The following FNDC3A variants were observed in gnomAD, a reference collection of about 807,000 sequenced individuals.
The protein encoded by FNDC3A is fibronectin type-III domain-containing protein 3A.
A neutral mutation model predicts 148.9 loss-of-function variants in FNDC3A; 32 were observed. The observed-to-expected ratio is 0.21, with a 90% CI of 0.16 to 0.29. FNDC3A has a LOEUF of 0.29. FNDC3A is among the 10% of genes least tolerant of loss of function. FNDC3A has a pLI of 1.00. For synonymous variants in FNDC3A, 472 were observed against 473.6 expected (o/e 1.00, Z 0.04); for missense variants, 1,191 against 1,452.8 (o/e 0.82, Z 2.93).
rs1414085646 is a variant in FNDC3A, at chr13:49,197,855, C to A, written c.2471C>A (p.Thr824Asn). Reference sequence around the variant, plus strand: ...ATAAAAGGACTTTCACCAGCAACTACCTATTATTGCAGGGTCCAGGTAAAG... The same window carrying A: ...ATAAAAGGACTTTCACCAGCAACTAACTATTATTGCAGGGTCCAGGTAAAG... Reference protein sequence around the residue: ...YEIKGLSPATTYYCRVQALSV... With the variant: ...YEIKGLSPATNYYCRVQALSV... The change falls in exon 21 of 26, where the codon ACC (threonine) becomes AAC (asparagine). Residue 824 changes from threonine (T) to asparagine (N), a missense_variant. By Grantham distance (65) the Thr-to-Asn change is moderately conservative (BLOSUM62 0). Around this residue, in one of 3 missense-constraint regions of FNDC3A, gnomAD observed 751 missense variants for 944.0 expected, o/e 0.80. Coordinates refer to ENST00000492622, the MANE Select transcript of FNDC3A (RefSeq NM_001079673.2). The A allele has an allele frequency of 5.0e-6, 8 of 1,604,206 alleles. 1 individual carries two copies. The South Asian group carries it at 9.0e-5, about 18-fold the overall frequency.
At chr13:49,128,937 G>C (rs1881866102) in intron 4 of FNDC3A, among the ~76,000 whole-genome samples, 1 of 152,186 alleles carries the variant, frequency 6.6e-6, no homozygotes, top group African/African-American at 2.4e-5. Flanking sequence ...TCTGATCCCT[G>C]TGTTTATTCT....
chr13:49,178,956 G>T (rs770764794), intron 14 of FNDC3A, among the ~76,000 whole-genome samples: 1 of 152,050 alleles, frequency 6.6e-6, no homozygotes, highest in Admixed American at 6.6e-5. Flanking sequence ...CACACTCCTC[G>T]GTTCAAGTGA....
chr13:49,192,346 A>G (rs1543545), intron 19 of FNDC3A, among the ~76,000 whole-genome samples: 151,796 of 152,298 alleles, frequency 1, 75,651 homozygotes, highest in Middle Eastern at 1. Flanking sequence ...CCAGGGTGGA[A>G]TGCAGTGGTG....
At chr13:49,070,426 A>G (rs1475646720) in intron 2 of FNDC3A, among the ~76,000 whole-genome samples, 2 of 152,192 alleles carry the variant, frequency 1.3e-5, no homozygotes, top group Non-Finnish European at 2.9e-5. Flanking sequence ...AATATGAAGT[A>G]CCAGAGTTTT....
intron 14 of FNDC3A, 68 bp downstream of exon 14, chr13:49,178,722 T>C (rs1277524557): frequency 8.0e-6 from 7 of 876,030 alleles, no homozygotes; most frequent in Non-Finnish European, 1.2e-5. Flanking sequence ...TGGGGTTCTT[T>C]GTTTTCTGTT....
intron 2 of FNDC3A, among the ~76,000 whole-genome samples, chr13:49,060,938 G>A (rs1169061756): frequency 6.6e-6 from 1 of 152,110 alleles, no homozygotes; most frequent in African/African-American, 2.4e-5. Context: ...GCACAACATT[G>A]TGAATGTACC....
At chr13:49,020,554 C>T (rs145861786) in intron 2 of FNDC3A, among the ~76,000 whole-genome samples, 1 of 152,344 alleles carries the variant, frequency 6.6e-6, no homozygotes, top group Non-Finnish European at 1.5e-5. Context: ...TAGTCTTCAC[C>T]TGAGACCCAG....
intron 2 of FNDC3A, among the ~76,000 whole-genome samples, chr13:49,067,567 G>A (rs911969913): frequency 2.6e-5 from 4 of 152,140 alleles, no homozygotes; most frequent in African/African-American, 4.8e-5. Flanking sequence ...TAAGCTTGTG[G>A]GAGTTATTTG....
intron 12 of FNDC3A, 72 bp downstream of exon 12, chr13:49,174,631 A>G (rs1884933235): frequency 1.5e-6 from 2 of 1,327,982 alleles, no homozygotes; most frequent in African/African-American, 3.0e-5. Flanking sequence ...ATAATTATTT[A>G]CTGTCCAAAT....
At chr13:49,085,973 C>T (rs1878784113) in intron 3 of FNDC3A, among the ~76,000 whole-genome samples, 1 of 151,760 alleles carries the variant, frequency 6.6e-6, no homozygotes, top group African/African-American at 2.4e-5. Flanking sequence ...ACCTCTGCCT[C>T]CTGAGTTCAA....
At chr13:49,058,598 C>T (rs369995162) in intron 2 of FNDC3A, among the ~76,000 whole-genome samples, 13 of 152,218 alleles carry the variant, frequency 8.5e-5, no homozygotes, top group East Asian at 5.8e-4. Context: ...AGCAAGATGG[C>T]GGTCTTCCGT....
chr13:49,142,670 C>T (rs1882757001), intron 7 of FNDC3A, among the ~76,000 whole-genome samples: 1 of 152,174 alleles, frequency 6.6e-6, no homozygotes, highest in South Asian at 2.1e-4. Flanking sequence ...ATGCCTTGGA[C>T]TACCAGATTT....
At chr13:49,008,249 G>C (rs1419899844) in intron 2 of FNDC3A, among the ~76,000 whole-genome samples, 1 of 152,144 alleles carries the variant, frequency 6.6e-6, no homozygotes, top group Admixed American at 6.6e-5. Flanking sequence ...AGTGTAAAGA[G>C]TGAACCAATA....
rs1886736447 is a variant in FNDC3A, at chr13:49,208,081, T to C, written c.*686T>C. 6.6e-6 allele frequency: 1 copy of C among 152,368 alleles called. No homozygotes were observed. Among genetic ancestry groups the C allele is most frequent in the African/African-American group, 2.4e-5 (1 of 41,476 alleles). The allele number at this position is 152,368 out of a possible 1,614,324, so 9.4% of individuals were successfully genotyped here. ...AATATTTTGATGTTTACTCAAAAAG[T>C]ACCTCTTCAGGTCTTGAGAACATGG... On this transcript the variant is annotated 3_prime_UTR_variant, in exon 26 of 26. Coordinates refer to ENST00000492622, the MANE Select transcript of FNDC3A (RefSeq NM_001079673.2).
intron 2 of FNDC3A, among the ~76,000 whole-genome samples, chr13:49,066,725 G>C (rs1877290141): frequency 6.6e-6 from 1 of 150,458 alleles, no homozygotes; most frequent in Non-Finnish European, 1.5e-5. Context: ...TTTAAGTTCT[G>C]GGATACATGT....
At chr13:48,987,584 G>A (rs1951828991) in intron 1 of FNDC3A, among the ~76,000 whole-genome samples, 1 of 152,060 alleles carries the variant, frequency 6.6e-6, no homozygotes, top group African/African-American at 2.4e-5. Context: ...TTCACTTAAG[G>A]GACATGAAAG....
chr13:48,994,647 G>A (rs188549715), intron 1 of FNDC3A, among the ~76,000 whole-genome samples: 1 of 152,098 alleles, frequency 6.6e-6, no homozygotes, highest in Admixed American at 6.6e-5. Context: ...GCGTGGTGGC[G>A]CATGCCTGTA....
At chr13:49,029,909 A>G (rs1046630188) in intron 2 of FNDC3A, among the ~76,000 whole-genome samples, 1 of 152,212 alleles carries the variant, frequency 6.6e-6, no homozygotes, top group Non-Finnish European at 1.5e-5. Flanking sequence ...CCGAATCAAG[A>G]AAAAAATATA....
In FNDC3A at chr13:49,145,819, A is replaced by G. The variant is rs1219791643; in HGVS notation, c.861A>G (p.Ser287=). 1 of 1,613,806 alleles carries G rather than the reference A, an allele frequency of 6.2e-7. No individual in the cohort carries two copies. The highest frequency in any genetic ancestry group is 1.3e-5 in the African/African-American group (1 of 74,898). ...CAAGGACAGTAGTACTTACCTGGTC[A>G]CCACCTTCCAGCCTCATTAATGGTG... ...IQARTVVLTW[S]PPSSLINGET... is the part of the protein sequence containing the mutation. Residue 287 remains serine, a synonymous_variant, in exon 8 of 26, where the codon TCA becomes TCG. Coordinates refer to ENST00000492622, the MANE Select transcript of FNDC3A (RefSeq NM_001079673.2).
Sources: gnomAD v4.1 joint callset for allele counts (sites outside exome capture counted in the v4.1 genomes callset) on GRCh38, gnomAD v4.1.1 for gene constraint, gnomAD v4.1.1 regional missense constraint, MANE v1.5 for transcripts, NCBI Gene and HGNC (gene_info 2026-07-23, HGNC 2026-07-21) for gene names.